Variants in BRAF observed in about 807,000 individuals in gnomAD.
BRAF encodes B-Raf proto-oncogene, serine/threonine kinase, also known as serine/threonine-protein kinase B-raf.
Under a neutral mutation model 104.6 loss-of-function variants are expected in BRAF, and 16 were observed. The observed-to-expected ratio is 0.15, with a 90% CI of 0.10 to 0.23. The LOEUF (loss-of-function observed/expected upper bound fraction) is 0.23, where lower values mean the gene tolerates loss of function less well. BRAF is among the 10% of genes least tolerant of loss of function. The pLI is 1.00. For missense variants in BRAF, 541 were observed against 937.3 expected (o/e 0.58, Z 5.52); for synonymous variants, 310 against 341.6 (o/e 0.91, Z 1.02).
At chr7:140,771,205 T>C (rs905144565) in intron 14 of BRAF, among the ~76,000 whole-genome samples, 2 of 152,198 alleles carry the variant, frequency 1.3e-5, no homozygotes, top group Non-Finnish European at 2.9e-5. Flanking sequence ...ATTATTCTTA[T>C]TTATTTTTGA....
intron 16 of BRAF, among the ~76,000 whole-genome samples, chr7:140,749,915 TA>T (rs1001316642): frequency 6.6e-6 from 1 of 152,204 alleles, no homozygotes; most frequent in African/African-American, 2.4e-5. Context: ...TCAGGACTGA[TA>T]AACTCAAATC....
At chr7:140,822,254 T>A (rs1407218365) in intron 3 of BRAF, 1 of 152,096 alleles carries the variant, frequency 6.6e-6, no homozygotes, top group Non-Finnish European at 1.5e-5. Context: ...TTAAAGGCTA[T>A]TAAAAAACAA....
chr7:140,803,945 C>T (rs1266891354), intron 5 of BRAF, among the ~76,000 whole-genome samples: 1 of 152,146 alleles, frequency 6.6e-6, no homozygotes, highest in South Asian at 2.1e-4. Context: ...AGTACAGTGG[C>T]AGGATCTCGG....
intron 3 of BRAF, among the ~76,000 whole-genome samples, chr7:140,816,438 G>A (rs1804892740): frequency 6.6e-6 from 1 of 152,140 alleles, no homozygotes; most frequent in Non-Finnish European, 1.5e-5. Flanking sequence ...GAATGTTAAA[G>A]CTTCTGGTAT....
intron 1 of BRAF, among the ~76,000 whole-genome samples, chr7:140,889,656 G>T (rs1012245075): frequency 6.6e-6 from 1 of 152,114 alleles, no homozygotes. Context: ...TGAAGAAAAA[G>T]AACCTAGTAA....
intron 6 of BRAF, 62 bp from the exon 7 acceptor site, chr7:140,800,543 T>C: frequency 1.2e-6 from 2 of 1,612,244 alleles, no homozygotes; most frequent in Non-Finnish European, 1.7e-6. Flanking sequence ...TATACCAAAA[T>C]ACATAGTTAA....
intron 16 of BRAF, among the ~76,000 whole-genome samples, chr7:140,752,378 C>T (rs1797861249): frequency 2.6e-5 from 4 of 152,152 alleles, no homozygotes. Flanking sequence ...GCTGGATTCT[C>T]ATATTTGCTT....
intron 1 of BRAF, among the ~76,000 whole-genome samples, chr7:140,902,260 G>A (rs62485368): frequency 0.056 from 8,486 of 152,140 alleles, 285 homozygotes; most frequent in South Asian, 0.11. Context: ...TATGATCTTC[G>A]ATGTTACTAT....
At chr7:140,874,429 T>C (rs1382682416) in intron 1 of BRAF, among the ~76,000 whole-genome samples, 1 of 150,790 alleles carries the variant, frequency 6.6e-6, no homozygotes, top group Non-Finnish European at 1.5e-5. Context: ...CTCGATCTCC[T>C]GACCTTGTGA....
intron 14 of BRAF, among the ~76,000 whole-genome samples, chr7:140,771,226 T>C (rs1418723996): frequency 2.6e-5 from 4 of 152,176 alleles, no homozygotes. Flanking sequence ...GACAGGGTCT[T>C]GCTCTGTCAT....
intron 17 of BRAF, among the ~76,000 whole-genome samples, chr7:140,746,754 T>C (rs1375996001): frequency 6.8e-6 from 1 of 147,872 alleles, no homozygotes; most frequent in African/African-American, 2.5e-5. Context: ...ATCGCTAACA[T>C]GGGAGGCAGA....
chr7:140,794,974 A>T (rs1802359283), intron 7 of BRAF, among the ~76,000 whole-genome samples: 3 of 152,236 alleles, frequency 2.0e-5, no homozygotes, highest in Admixed American at 2.0e-4. Context: ...AATCCAGAAC[A>T]ATATTGAAAA....
At position 140,725,623 on chromosome 7, in the gene BRAF, A is replaced by T. The variant is rs186773220; in HGVS notation, c.*871T>A. 2.8e-6 allele frequency: 3 copies of T among 1,058,400 alleles called. No homozygotes were observed. The highest frequency in any genetic ancestry group is 2.3e-6 in the Non-Finnish European group (2 of 875,036). 65.6% of individuals were successfully genotyped at this position (1,058,400 alleles called of 1,614,324 possible). ...TTTGTGCCCTGGACAAAGTAGCCGC[A>T]TAAGTAGTTGGTGACTGGAAGAGCA... On this transcript the variant is annotated 3_prime_UTR_variant, in exon 20 of 20. Transcript: ENST00000644969.
Position 140,721,090 on chromosome 7 carries a change from C to G in BRAF, c.*5404G>C, listed in dbSNP as rs528544220. ...CAGAATTCTTTAAAAAAAAATGCAC[C>G]TCTAAAAAATGGATACACTGGCTTA... On this transcript the variant is annotated 3_prime_UTR_variant, in exon 20 of 20. Coordinates refer to ENST00000644969, the MANE Select transcript of BRAF (RefSeq NM_001374258.1). The G allele has an allele frequency of 3.9e-5, 41 of 1,064,192 alleles. No individual in the cohort carries two copies. In the South Asian group the frequency reaches 1.6e-3, roughly 43 times the overall value. The allele number at this position is 1,064,192 out of a possible 1,614,324, so 65.9% of individuals were successfully genotyped here. A position where few individuals can be genotyped will look rare whatever the true frequency, so the allele number is the denominator to read the frequency against.
chr7:140,865,036 A>G (rs1218190119), intron 1 of BRAF, among the ~76,000 whole-genome samples: 1 of 152,116 alleles, frequency 6.6e-6, no homozygotes, highest in East Asian at 1.9e-4. Context: ...TTCCACAGAT[A>G]GGAGTGGGAG....
intron 1 of BRAF, among the ~76,000 whole-genome samples, chr7:140,899,776 C>G (rs945710817): frequency 3.3e-5 from 5 of 152,002 alleles, no homozygotes; most frequent in African/African-American, 1.2e-4. Context: ...TAGTAGGTAG[C>G]CTCTAAACTG....
chr7:140,885,758 A>G (rs1813493554), intron 1 of BRAF, among the ~76,000 whole-genome samples: 1 of 152,246 alleles, frequency 6.6e-6, no homozygotes, highest in Admixed American at 6.5e-5. Flanking sequence ...TACTATGGTT[A>G]AAAGAAGATA....
rs1263253877 is a variant in BRAF at position 140,720,617 on chromosome 7, T to G, written c.*5877A>C. 1 of 1,065,638 alleles carries G rather than the reference T, an allele frequency of 9.4e-7. No individual in the cohort carries two copies. The highest frequency in any genetic ancestry group is 1.1e-6 in the Non-Finnish European group (1 of 879,622). 66.0% of individuals were successfully genotyped at this position (1,065,638 alleles called of 1,614,324 possible). A position where few individuals can be genotyped will look rare whatever the true frequency, so the allele number is the denominator to read the frequency against. ...CATTTGATTTCAGGTAATTACAGTT[T>G]ATTTCCCACCCTCACATTAATTTTT... On this transcript the variant is annotated 3_prime_UTR_variant, in exon 20 of 20. Transcript: ENST00000644969.
At chr7:140,799,910 T>G in intron 7 of BRAF, 1 of 315,594 alleles carries the variant, frequency 3.2e-6, no homozygotes. Flanking sequence ...AATGATCTGT[T>G]GCATGATTTT....
Sources: gnomAD v4.1 joint callset for allele counts (sites outside exome capture counted in the v4.1 genomes callset) on GRCh38, gnomAD v4.1.1 for gene constraint, MANE v1.5 for transcripts, NCBI Gene and HGNC (gene_info 2026-07-23, HGNC 2026-07-21) for gene names.